Variants in METAP1D observed in about 807,000 individuals in gnomAD.
METAP1D encodes methionine aminopeptidase 1D, mitochondrial.
Under a neutral mutation model 40.5 loss-of-function variants are expected in METAP1D, and 31 were observed. The ratio of observed to expected loss-of-function variants is 0.77; its 90% CI spans 0.58 to 1.03. The LOEUF is 1.03. Ranked by LOEUF, METAP1D falls within the 50% of genes least tolerant of loss-of-function variation. The pLI, the probability that METAP1D is intolerant of heterozygous loss-of-function variation, is 0.00. For synonymous variants in METAP1D, 151 were observed against 146.4 expected, an observed-to-expected ratio of 1.03 and a Z score of -0.22; for missense variants, 411 against 420.7, an observed-to-expected ratio of 0.98 and a Z score of 0.20.
chr2:172,018,743 C>A (rs6719012), intron 1 of METAP1D, among the ~76,000 whole-genome samples: 2 of 151,440 alleles, frequency 1.3e-5, no homozygotes, highest in East Asian at 3.9e-4. Context: ...CCCATCCCCC[C>A]CTCACCCCAC....
rs1689141873 is a variant in METAP1D, at chr2:172,027,399, C to T, written c.40+27390C>T. Among the ~76,000 whole-genome samples, 4 of 152,180 alleles carry T rather than the reference C, an allele frequency of 2.6e-5. No individual in the cohort carries two copies. In the South Asian group the frequency reaches 8.3e-4, roughly 32 times the overall value. ...TTACCATTGTGTTCCAGTTGCTGAC[C>T]ATATTCAGTACACTGACATGCTATA... On this transcript the variant is annotated intron_variant, in intron 1 of 9. Transcript: ENST00000315796.
rs1449578249 is a variant in METAP1D at position 172,077,825 on chromosome 2, G to T, written c.733G>T (p.Val245Phe). The T allele has an allele frequency of 3.7e-6, 6 of 1,610,518 alleles. No homozygotes were observed. The highest frequency in any genetic ancestry group is 1.3e-5 in the African/African-American group (1 of 74,870). ...SHITHQNGFQ[V>F]CPHFVGHGIG... is the part of the protein sequence containing the mutation. ...CATAACTCATCAGAATGGTTTTCAA[G>T]TCTGTCCACATTTTGTGGGACATGG... Residue 245 changes from valine to phenylalanine, a missense_variant, in exon 7 of 10, where the codon GTC becomes TTC. By Grantham distance (50) the Val-to-Phe change is conservative (BLOSUM62 -1). Transcript: ENST00000315796.
rs571898961 is a variant in METAP1D, at chr2:172,051,304, A to T, written c.41-10194A>T. On this transcript the variant is annotated intron_variant, in intron 1 of 9. Coordinates refer to ENST00000315796, the MANE Select transcript of METAP1D (RefSeq NM_199227.3). The stretch of plus-strand genomic sequence containing the variant: ...TCACAAGCAGGAGCCTATATTATTA[A>T]GTAGGAATGTTTATAGATCTGTGTT... Among the ~76,000 whole-genome samples, 4 of 152,250 alleles carry T rather than the reference A, an allele frequency of 2.6e-5. No homozygotes were observed. The East Asian group carries it at 7.7e-4, about 29-fold the overall frequency.
intron 1 of METAP1D, among the ~76,000 whole-genome samples, chr2:172,012,683 C>T (rs1008558034): frequency 3.9e-5 from 6 of 152,084 alleles, no homozygotes; most frequent in Non-Finnish European, 5.9e-5. Flanking sequence ...TGTTTTCTAC[C>T]TTAATGTTAC....
At chr2:172,001,583 G>C (rs980686252) in intron 1 of METAP1D, among the ~76,000 whole-genome samples, 3 of 151,868 alleles carry the variant, frequency 2.0e-5, no homozygotes, top group Non-Finnish European at 4.4e-5. Flanking sequence ...GAAGTGAAGA[G>C]GAAGATATTT....
rs1350913278 is a variant in METAP1D, at chr2:172,045,725, G to GTA, written c.41-15772_41-15771insAT. The stretch of plus-strand genomic sequence containing the variant: ...TGTGTGTGTGTGTGTGTGTGTGTGT[G>GTA]TGTGTGTATATATATGTGTATATAT... On this transcript the variant is annotated intron_variant, in intron 1 of 9. Transcript: ENST00000315796. Among the ~76,000 whole-genome samples the GTA allele has an allele frequency of 1.6e-4, 14 of 89,800 alleles. 1 individual carries two copies. Among genetic ancestry groups the GTA allele is most frequent in the African/African-American group, 2.9e-4 (8 of 27,516 alleles). The allele number at this position is 89,800 out of a possible 152,430, so 58.9% of individuals were successfully genotyped here.
rs1233688741 is a variant in METAP1D at position 172,045,813 on chromosome 2, G to A, written c.41-15685G>A. ...TATGTATATATGTGTGTGTGTGTGT[G>A]TGTGTGTATATATATATATATATAT... On this transcript the variant is annotated intron_variant, in intron 1 of 9. Coordinates refer to ENST00000315796, the MANE Select transcript of METAP1D (RefSeq NM_199227.3). Among the ~76,000 whole-genome samples the A allele has an allele frequency of 7.4e-3, 292 of 39,288 alleles. 2 individuals carry two copies. Among genetic ancestry groups the A allele is most frequent in the East Asian group, 0.015 (10 of 654 alleles). 25.8% of individuals were successfully genotyped at this position (39,288 alleles called of 152,430 possible).
chr2:172,025,527 G>A (rs1398535404), intron 1 of METAP1D, among the ~76,000 whole-genome samples: 1 of 151,826 alleles, frequency 6.6e-6, no homozygotes. Context: ...ATGGGGTATC[G>A]CCATGTTTCC....
intron 6 of METAP1D, among the ~76,000 whole-genome samples, chr2:172,076,957 A>G (rs1302486108): frequency 6.6e-6 from 1 of 152,246 alleles, no homozygotes. Context: ...TTCAAGGACT[A>G]CTTTTCAATC....
At chr2:172,039,918 G>A (rs1298932502) in intron 1 of METAP1D, among the ~76,000 whole-genome samples, 17 of 146,576 alleles carry the variant, frequency 1.2e-4, no homozygotes, top group South Asian at 4.4e-4. Context: ...CTCGTGATCT[G>A]CCCACCTTGG....
intron 1 of METAP1D, among the ~76,000 whole-genome samples, chr2:172,015,165 C>T (rs1384354580): frequency 1.3e-5 from 2 of 152,124 alleles, no homozygotes; most frequent in Admixed American, 6.5e-5. Flanking sequence ...ATAATTAAGT[C>T]GGGCGTGGTG....
At chr2:172,016,300 AAT>A (rs1188835723) in intron 1 of METAP1D, among the ~76,000 whole-genome samples, 568 of 39,946 alleles carry the variant, frequency 0.014, 13 homozygotes, top group East Asian at 0.029. Flanking sequence ...AAAAAAAAAA[AAT>A]ATATATATAT....
intron 4 of METAP1D, 91 bp downstream of exon 4, chr2:172,065,843 T>C (rs927741023): frequency 7.4e-7 from 1 of 1,346,616 alleles, no homozygotes; most frequent in Admixed American, 2.6e-5. Context: ...TATCATTCAA[T>C]TGAAACCCAC....
At chr2:172,080,241 A>T in intron 9 of METAP1D, 35 bp downstream of exon 9, 1 of 1,613,808 alleles carries the variant, frequency 6.2e-7, no homozygotes, top group Non-Finnish European at 8.5e-7. Context: ...TTTAAATTGT[A>T]TGGGAAAGGA....
Position 172,080,682 on chromosome 2 carries a change from C to A in METAP1D, c.*276C>A. The A allele has an allele frequency of 1.8e-6, 1 of 569,170 alleles. No individual in the cohort carries two copies. The highest frequency in any genetic ancestry group is 3.0e-5 in the East Asian group (1 of 33,738). The allele number at this position is 569,170 out of a possible 1,614,324, so 35.3% of individuals were successfully genotyped here. ...CATCTGGAGGGGACTGGAGGAAACC[C>A]CCTTGTTGGAAGAGATTCCAAGAGA... On this transcript the variant is annotated 3_prime_UTR_variant, in exon 10 of 10. Transcript: ENST00000315796.
At chr2:172,037,649 A>C (rs1042840216) in intron 1 of METAP1D, among the ~76,000 whole-genome samples, 1 of 152,220 alleles carries the variant, frequency 6.6e-6, no homozygotes, top group Non-Finnish European at 1.5e-5. Flanking sequence ...GAAGATTGTA[A>C]GCTAGTAAAT....
At chr2:172,059,290 G>C (rs1204277998) in intron 1 of METAP1D, among the ~76,000 whole-genome samples, 1 of 152,008 alleles carries the variant, frequency 6.6e-6, no homozygotes, top group Non-Finnish European at 1.5e-5. Flanking sequence ...TGTATTTTTA[G>C]TAGAGACAAG....
chr2:172,009,953 G>A (rs372669161), intron 1 of METAP1D, among the ~76,000 whole-genome samples: 4 of 152,238 alleles, frequency 2.6e-5, no homozygotes, highest in African/African-American at 9.6e-5. Context: ...AAAAGGAGGA[G>A]TTGGCAGGAA....
intron 1 of METAP1D, among the ~76,000 whole-genome samples, chr2:172,036,051 T>C (rs184207334): frequency 0.036 from 5,450 of 152,058 alleles, 124 homozygotes; most frequent in Non-Finnish European, 0.058. Context: ...GGCATGATGG[T>C]TCATGCCTGT....
Sources: gnomAD v4.1 joint callset for allele counts (sites outside exome capture counted in the v4.1 genomes callset) on GRCh38, gnomAD v4.1.1 for gene constraint, MANE v1.5 for transcripts, NCBI Gene and HGNC (gene_info 2026-07-23, HGNC 2026-07-21) for gene names.